MYO16: variants seen among roughly 807,000 people sequenced by gnomAD.
The protein encoded by MYO16 is myosin XVI.
MYO16 carries 94 observed loss-of-function variants against 205.3 expected under a neutral mutation model. That is an observed-to-expected ratio of 0.46 (90% CI 0.39 to 0.54). The LOEUF is 0.54. Ranked by LOEUF, MYO16 falls within the 20% of genes least tolerant of loss-of-function variation. The probability of loss-of-function intolerance (pLI) is 0.00; values close to 1 mark genes in which losing one functional copy is unlikely to be tolerated. For missense variants in MYO16, 2,315 were observed against 2,387.5 expected (o/e 0.97, Z 0.63); for synonymous variants, 988 against 954.0 (o/e 1.04, Z -0.66).
chr13:108,974,915 G>T (rs1261458277), intron 20 of MYO16, among the ~76,000 whole-genome samples: 1 of 152,136 alleles, frequency 6.6e-6, no homozygotes, highest in Non-Finnish European at 1.5e-5. Context: ...TGCACTGTAG[G>T]CAAGCTATTA....
intron 31 of MYO16, among the ~76,000 whole-genome samples, chr13:109,129,462 G>A (rs1173963196): frequency 6.6e-6 from 1 of 152,066 alleles, no homozygotes; most frequent in African/African-American, 2.4e-5. Flanking sequence ...TTCTCCCCCG[G>A]TGCCACATAT....
chr13:108,713,700 TC>T (rs1439237946), intron 3 of MYO16, among the ~76,000 whole-genome samples: 1 of 152,116 alleles, frequency 6.6e-6, no homozygotes, highest in Non-Finnish European at 1.5e-5. Context: ...GCTCAAGAGA[TC>T]TGGAATGCAA....
the MYO16 span, among the ~76,000 whole-genome samples, chr13:108,522,236 G>C: frequency 6.6e-6 from 1 of 152,308 alleles, no homozygotes; most frequent in East Asian, 1.9e-4. Flanking sequence ...AGAAAGCAAT[G>C]ACTTCTATGA....
In MYO16 at chr13:108,889,678, G is replaced by A. The variant is rs544195853; in HGVS notation, c.1659+1201G>A. On this transcript the variant is annotated intron_variant, in intron 14 of 34. Coordinates refer to ENST00000457511, the MANE Select transcript of MYO16 (RefSeq NM_001198950.3). Reference sequence around the variant, plus strand: ...TTTTGGAAATCACTCCAGATGCCTGGAAGTTCATGATGATTTTCCTAAGGT... The same window carrying A: ...TTTTGGAAATCACTCCAGATGCCTGAAAGTTCATGATGATTTTCCTAAGGT... Among the ~76,000 whole-genome samples, 239 of 148,998 alleles carry A rather than the reference G, an allele frequency of 1.6e-3. 1 individual carries two copies. Among genetic ancestry groups the A allele is most frequent in the Non-Finnish European group, 2.9e-3 (191 of 65,764 alleles).
In MYO16 at chr13:109,140,147, G is replaced by C. The variant is rs1463065418; in HGVS notation, c.4052-117G>C. 8.8e-6 allele frequency: 13 copies of C among 1,484,658 alleles called. No homozygotes were observed. Among genetic ancestry groups the C allele is most frequent in the South Asian group, 5.3e-5 (4 of 74,900 alleles). 92.0% of individuals were successfully genotyped at this position (1,484,658 alleles called of 1,614,324 possible). The stretch of plus-strand genomic sequence containing the variant: ...AGTGGGTGGAGGAACATGCAGGCCC[G>C]GTCCCTTGGGATTCTCGGGGCACGG... On this transcript the variant is annotated intron_variant, in intron 31 of 34. Transcript: ENST00000457511. The surrounding 1 kb of genome is among the most constrained non-coding windows in gnomAD (Gnocchi z 8.0).
intron 21 of MYO16, among the ~76,000 whole-genome samples, chr13:108,997,371 A>AAAG (rs1885056352): frequency 4.1e-5 from 1 of 24,438 alleles, no homozygotes. Context: ...AGAGAGAGAG[A>AAAG]GAGAGAGAGA....
intron 2 of MYO16, among the ~76,000 whole-genome samples, chr13:108,699,607 G>C (rs1245507204): frequency 1.3e-5 from 2 of 152,098 alleles, no homozygotes; most frequent in African/African-American, 4.8e-5. Context: ...TTATAATACT[G>C]TCACTTTACA....
At chr13:108,520,050 A>G in the MYO16 span, among the ~76,000 whole-genome samples, 1 of 152,172 alleles carries the variant, frequency 6.6e-6, no homozygotes, top group Admixed American at 6.5e-5. Flanking sequence ...ATTTTCGCTG[A>G]GAAAATAATA....
At position 108,691,995 on chromosome 13, in the gene MYO16, T is replaced by A. The variant is rs375227531; in HGVS notation, c.293-20666T>A. On this transcript the variant is annotated intron_variant, in intron 2 of 34. Transcript: ENST00000457511. Reference sequence around the variant, plus strand: ...CCCCTTTCCCAACAAAGCAGATGCATTTTTACTGTCCCTAAGTTGACTGAA... The same window carrying A: ...CCCCTTTCCCAACAAAGCAGATGCAATTTTACTGTCCCTAAGTTGACTGAA... 3.3e-5 allele frequency among the ~76,000 whole-genome samples: 5 copies of A among 152,198 alleles called. No homozygotes were observed. The East Asian group carries it at 9.6e-4, about 29-fold the overall frequency.
chr13:108,593,669 C>A (rs1594131083), upstream of MYO16, among the ~76,000 whole-genome samples: 1 of 152,282 alleles, frequency 6.6e-6, no homozygotes, highest in Admixed American at 6.5e-5. Context: ...GATATGGATA[C>A]ATTTAGCCCC....
At chr13:109,028,247 AAT>A (rs1886427259) in intron 23 of MYO16, among the ~76,000 whole-genome samples, 1 of 141,982 alleles carries the variant, frequency 7.0e-6, no homozygotes, top group African/African-American at 2.5e-5. Flanking sequence ...ATAAACATAT[AAT>A]ATAAAAAATA....
At chr13:108,797,679 GTTAT>G (rs2138957960) in intron 6 of MYO16, among the ~76,000 whole-genome samples, 1 of 152,252 alleles carries the variant, frequency 6.6e-6, no homozygotes, top group South Asian at 2.1e-4. Flanking sequence ...ATTGGATTGA[GTTAT>G]TTAATTAATT....
intron 3 of MYO16, among the ~76,000 whole-genome samples, chr13:108,714,201 A>C (rs567544149): frequency 1.3e-5 from 2 of 151,978 alleles, no homozygotes; most frequent in African/African-American, 4.8e-5. Context: ...GACTACAGGC[A>C]CCCGCCATCA....
At chr13:108,591,057 T>C in the MYO16 span, among the ~76,000 whole-genome samples, 2,451 of 152,292 alleles carry the variant, frequency 0.016, 54 homozygotes, top group South Asian at 0.087. Context: ...GAGTAGGTCA[T>C]GGATGGGCTG....
At chr13:108,889,365 A>AG (rs1880054353) in intron 14 of MYO16, among the ~76,000 whole-genome samples, 1 of 152,230 alleles carries the variant, frequency 6.6e-6, no homozygotes, top group African/African-American at 2.4e-5. Context: ...AAAGCTAAAA[A>AG]CATCCCACAT....
the MYO16 span, among the ~76,000 whole-genome samples, chr13:108,586,369 C>T: frequency 4.6e-5 from 7 of 151,798 alleles, no homozygotes; most frequent in Admixed American, 2.6e-4. Flanking sequence ...TTTTTCAGAA[C>T]CTTCCCTCAT....
At chr13:108,704,611 G>T (rs1369614102) in intron 2 of MYO16, among the ~76,000 whole-genome samples, 1 of 152,022 alleles carries the variant, frequency 6.6e-6, no homozygotes. Flanking sequence ...TGACACATGG[G>T]TAGCCTCCCC....
At chr13:108,679,711 C>CAA (rs5806751) in intron 2 of MYO16, among the ~76,000 whole-genome samples, 19,550 of 134,904 alleles carry the variant, frequency 0.14, 1,537 homozygotes, top group Non-Finnish European at 0.2. Flanking sequence ...CTTGGTTCTG[C>CAA]AAAAAAAAAA....
intron 12 of MYO16, among the ~76,000 whole-genome samples, chr13:108,878,082 G>A (rs1327058182): frequency 6.6e-6 from 1 of 152,126 alleles, no homozygotes; most frequent in African/African-American, 2.4e-5. Flanking sequence ...CTGATAGGTG[G>A]TGCAGCCTGG....
Sources: allele counts gnomAD v4.1 joint callset (sites outside exome capture counted in the v4.1 genomes callset), GRCh38; gene constraint gnomAD v4.1.1; non-coding constraint Gnocchi (gnomAD v3.1); transcripts MANE v1.5; gene names NCBI Gene and HGNC (gene_info 2026-07-23, HGNC 2026-07-21).